The following POLA1 variants were observed in gnomAD, a reference collection of about 807,000 sequenced individuals.
POLA1 encodes DNA polymerase alpha catalytic subunit.
Under a neutral mutation model 124.0 loss-of-function variants are expected in POLA1, and 15 were observed. That is an observed-to-expected ratio of 0.12 (90% confidence interval 0.08 to 0.19). The LOEUF (loss-of-function observed/expected upper bound fraction) is 0.19, where lower values mean the gene tolerates loss of function less well. POLA1 is among the 10% of genes least tolerant of loss of function. The pLI, the probability that POLA1 is intolerant of heterozygous loss-of-function variation, is 1.00. For synonymous variants in POLA1, 408 were observed against 389.4 expected, an observed-to-expected ratio of 1.05 and a Z score of -0.56; for missense variants, 886 against 1,103.4, an observed-to-expected ratio of 0.80 and a Z score of 2.79.
At chrX:24,797,154 GC>G (rs758038403) in intron 26 of POLA1, among the ~76,000 whole-genome samples, 36 of 110,890 alleles carry the variant, frequency 3.2e-4, no homozygotes, top group African/African-American at 1.2e-3. Flanking sequence ...ATCTGCTTAT[GC>G]CACTCCCCAG....
intron 36 of POLA1, among the ~76,000 whole-genome samples, chrX:24,934,030 C>T (rs1402284985): frequency 3.6e-5 from 4 of 111,801 alleles, no homozygotes; most frequent in Non-Finnish European, 3.8e-5. Flanking sequence ...GATTCAAAGG[C>T]GGTTTTACAG....
In POLA1 at chrX:24,856,839, A is replaced by AT. The variant is rs547364341; in HGVS notation, c.4047+13174dup. Among the ~76,000 whole-genome samples the AT allele has an allele frequency of 1.1e-3, 118 of 102,716 alleles. No homozygotes were observed. In the South Asian group the frequency reaches 0.024, roughly 21 times the overall value. The allele number at this position is 102,716 out of a possible 115,157, so 89.2% of individuals were successfully genotyped here. The stretch of plus-strand genomic sequence containing the variant: ...TTTTCCCCCATTTAAAAAAAATTGG[A>AT]TTTTTTTTTTTTATTGCTAAGTTTT... On this transcript the variant is annotated intron_variant, in intron 34 of 36. Coordinates refer to ENST00000379068, the MANE Select transcript of POLA1 (RefSeq NM_001330360.2).
intron 26 of POLA1, among the ~76,000 whole-genome samples, chrX:24,756,289 CGGT>C (rs1346569848): frequency 9.0e-6 from 1 of 111,035 alleles, no homozygotes; most frequent in Non-Finnish European, 1.9e-5. Flanking sequence ...GGGCCGGGCG[CGGT>C]GGCTCACACC....
intron 32 of POLA1, among the ~76,000 whole-genome samples, chrX:24,828,041 T>C (rs1266748723): frequency 8.9e-6 from 1 of 112,336 alleles, no homozygotes; most frequent in Non-Finnish European, 1.9e-5. Flanking sequence ...AAGTGGAAGC[T>C]CATTTTTAAC....
chrX:24,957,851 A>G (rs1193113768), intron 36 of POLA1, among the ~76,000 whole-genome samples: 1 of 109,700 alleles, frequency 9.1e-6, no homozygotes, highest in Non-Finnish European at 1.9e-5. Flanking sequence ...TCATAGGGGA[A>G]CAAGAGGAGA....
Position 24,812,934 on chromosome X carries a change from T to C in POLA1, c.3296+71T>C, listed in dbSNP as rs987680245. On this transcript the variant is annotated intron_variant, in intron 29 of 36. Coordinates refer to ENST00000379068, the MANE Select transcript of POLA1 (RefSeq NM_001330360.2). The stretch of plus-strand genomic sequence containing the variant: ...ATTCAGGTGTGAATGATGTAGAGAA[T>C]GCTTATGAATCTGTCAAGCCCAAGA... 4 of 557,168 alleles carry C rather than the reference T, an allele frequency of 7.2e-6. No individual in the cohort carries two copies. The African/African-American group carries it at 9.3e-5, about 13-fold the overall frequency. 45.9% of individuals were successfully genotyped at this position (557,168 alleles called of 1,213,427 possible). A position where few individuals can be genotyped will look rare whatever the true frequency, so the allele number is the denominator to read the frequency against.
chrX:24,955,657 T>G (rs2048098351), intron 36 of POLA1, among the ~76,000 whole-genome samples: 1 of 112,064 alleles, frequency 8.9e-6, no homozygotes, highest in South Asian at 3.7e-4. Flanking sequence ...TGGGGTGGGT[T>G]AGTACAGTGC....
At chrX:24,843,456 C>T in intron 33 of POLA1, 90 bp from the exon 34 acceptor site, 1 of 574,764 alleles carries the variant, frequency 1.7e-6, no homozygotes, top group South Asian at 4.7e-5. Context: ...TAAGAATATT[C>T]AACACTAGGA....
In POLA1 at chrX:24,699,464, G is replaced by C; in HGVS notation, c.83G>C (p.Arg28Pro). The change falls in exon 2 of 37, where the codon CGG (arginine) becomes CCG (proline). Residue 28 changes from arginine (R) to proline (P), a missense_variant. Arg to Pro is a moderately radical substitution (Grantham distance 103). Transcript: ENST00000379068. The part of the protein sequence containing the change: ...DSGSFVSSRA[R>P]REKKSKKGRQ... ...GGGAGTTTTGTATCTTCTCGAGCCC[G>C]GCGAGAAAAAAAATCAAAGAAGGGG... 4.2e-6 allele frequency: 5 copies of C among 1,181,389 alleles called. No individual in the cohort carries two copies. Among genetic ancestry groups the C allele is most frequent in the Non-Finnish European group, 5.7e-6 (5 of 877,036 alleles).
intron 22 of POLA1, 53 bp from the exon 23 acceptor site, chrX:24,743,177 A>C (rs1231391048): frequency 2.4e-5 from 15 of 626,368 alleles, no homozygotes; most frequent in Non-Finnish European, 3.8e-5. Flanking sequence ...TCAAAATTTT[A>C]AATTAGTTAA....
At chrX:24,957,173 A>G (rs1218117283) in intron 36 of POLA1, among the ~76,000 whole-genome samples, 1 of 111,912 alleles carries the variant, frequency 8.9e-6, no homozygotes, top group Non-Finnish European at 1.9e-5. Context: ...TGCCTTTAGG[A>G]CCATGATGAA....
intron 26 of POLA1, among the ~76,000 whole-genome samples, chrX:24,779,457 A>G (rs955664773): frequency 8.9e-6 from 1 of 112,101 alleles, no homozygotes; most frequent in Non-Finnish European, 1.9e-5. Context: ...TCATTTAGCA[A>G]ATGATATTGT....
intron 17 of POLA1, among the ~76,000 whole-genome samples, chrX:24,734,990 A>G (rs1931183883): frequency 8.9e-6 from 1 of 111,881 alleles, no homozygotes; most frequent in East Asian, 2.8e-4. Flanking sequence ...ATTTGGGATT[A>G]TTTTATACAA....
At chrX:24,860,806 GAC>G (rs746657347) in intron 34 of POLA1, among the ~76,000 whole-genome samples, 15 of 111,902 alleles carry the variant, frequency 1.3e-4, no homozygotes, top group African/African-American at 4.9e-4. Flanking sequence ...CCTTGTAAAA[GAC>G]AACCAACCAA....
intron 34 of POLA1, among the ~76,000 whole-genome samples, chrX:24,876,749 G>A (rs765817558): frequency 9.0e-6 from 1 of 111,285 alleles, no homozygotes; most frequent in Non-Finnish European, 1.9e-5. Context: ...GCTGTTTGTT[G>A]AATATACTGT....
intron 35 of POLA1, among the ~76,000 whole-genome samples, chrX:24,896,785 G>A (rs1009977246): frequency 2.7e-5 from 3 of 112,367 alleles, no homozygotes; most frequent in Non-Finnish European, 3.8e-5. Flanking sequence ...AGAAGGCAAG[G>A]CATCTAGAAG....
At position 24,736,765 on chromosome X, in the gene POLA1, A is replaced by G. The variant is rs367982483; in HGVS notation, c.1924-860A>G. ...AACCATCACCACGATCCATCTCTGT[A>G]ACTCTTTTCATTTTGTAAAACTGAA... On this transcript the variant is annotated intron_variant, in intron 18 of 36. Transcript: ENST00000379068. Among the ~76,000 whole-genome samples the G allele has an allele frequency of 2.5e-3, 283 of 112,032 alleles. 1 individual carries two copies. Among genetic ancestry groups the G allele is most frequent in the African/African-American group, 8.8e-3 (270 of 30,857 alleles).
intron 36 of POLA1, among the ~76,000 whole-genome samples, chrX:24,932,508 A>G (rs1176053557): frequency 2.7e-5 from 3 of 112,051 alleles, no homozygotes; most frequent in Admixed American, 9.5e-5. Flanking sequence ...AGGGAAAAGT[A>G]TTGACAGGAT....
chrX:24,776,516 T>A lies in POLA1; in HGVS notation c.2964+27524T>A, dbSNP rs2045143030. ...AACCTTGTTATAGATCTGTGGATAG[T>A]TTGGAGTTTACAAAACTGTACTTAA... On this transcript the variant is annotated intron_variant, in intron 26 of 36. Coordinates refer to ENST00000379068, the MANE Select transcript of POLA1 (RefSeq NM_001330360.2). Among the ~76,000 whole-genome samples, 3 of 111,838 alleles carry A rather than the reference T, an allele frequency of 2.7e-5. No homozygotes were observed. The South Asian group carries it at 1.1e-3, about 41-fold the overall frequency.
Sources: allele counts gnomAD v4.1 joint callset (sites outside exome capture counted in the v4.1 genomes callset), GRCh38; gene constraint gnomAD v4.1.1; transcripts MANE v1.5; gene names NCBI Gene and HGNC (gene_info 2026-07-23, HGNC 2026-07-21).